Variants in CEP164 observed in about 807,000 individuals in gnomAD.
CEP164 encodes the protein centrosomal protein 164, also known as centrosomal protein of 164 kDa.
CEP164 carries 162 observed loss-of-function variants against 182.7 expected under a neutral mutation model. The ratio of observed to expected loss-of-function variants is 0.89; its 90% CI spans 0.78 to 1.01. The LOEUF (loss-of-function observed/expected upper bound fraction) is 1.01, where lower values mean the gene tolerates loss of function less well. CEP164 is among the 50% of genes least tolerant of loss of function. The pLI, the probability that CEP164 is intolerant of heterozygous loss-of-function variation, is 0.00. For synonymous variants in CEP164, 661 were observed against 690.0 expected (o/e 0.96, Z 0.66); for missense variants, 1,735 against 1,790.4 (o/e 0.97, Z 0.56).
intron 3 of CEP164, among the ~76,000 whole-genome samples, chr11:117,342,673 T>C (rs967169708): frequency 6.6e-6 from 1 of 151,612 alleles, no homozygotes; most frequent in African/African-American, 2.4e-5. Context: ...ACGAGGTTTC[T>C]CCATGTTGCC....
At chr11:117,373,665 C>A in intron 9 of CEP164, 86 bp from the exon 10 acceptor site, 1 of 1,190,284 alleles carries the variant, frequency 8.4e-7, no homozygotes, top group Non-Finnish European at 1.2e-6. Flanking sequence ...ATATTGGCCC[C>A]ATGGCCTGAA....
At chr11:117,355,410 A>G in intron 5 of CEP164, 1 of 1,289,820 alleles carries the variant, frequency 7.8e-7, no homozygotes, top group Non-Finnish European at 1.0e-6. Flanking sequence ...AGCAGGAACC[A>G]GGCCTCTGTC....
intron 8 of CEP164, among the ~76,000 whole-genome samples, chr11:117,364,652 G>A (rs7945704): frequency 0.22 from 32,637 of 150,848 alleles, 3,637 homozygotes; most frequent in Non-Finnish European, 0.24. Flanking sequence ...GACCACAGGC[G>A]CCCGCCACCA....
At chr11:117,370,155 C>T (rs1436322538) in intron 8 of CEP164, among the ~76,000 whole-genome samples, 2 of 151,888 alleles carry the variant, frequency 1.3e-5, no homozygotes, top group Non-Finnish European at 2.9e-5. Context: ...TAGACATCTC[C>T]CTTAAATCTC....
At chr11:117,343,134 G>A (rs528848957) in intron 3 of CEP164, among the ~76,000 whole-genome samples, 1 of 152,194 alleles carries the variant, frequency 6.6e-6, no homozygotes, top group Non-Finnish European at 1.5e-5. Flanking sequence ...GCTTCCCAAA[G>A]TGCTGGGATT....
At position 117,387,398 on chromosome 11, in the gene CEP164, A is replaced by T. The variant is rs560014300; in HGVS notation, c.1920A>T (p.Lys640Asn). ...AGATCCTCCGGCTTCACCAGCAGAA[A>T]GAGCAATCTCTCAGGTCCTGCCCTT... ...EEEILRLHQQ[K>N]EQSLSSLRER... The change falls in exon 15 of 33, where the codon AAA (lysine) becomes AAT (asparagine). Residue 640 changes from lysine (K) to asparagine (N), a missense_variant. Physicochemically the swap from Lys to Asn is moderately conservative, Grantham distance 94. Transcript: ENST00000278935. 6.2e-7 allele frequency: 1 copy of T among 1,614,028 alleles called. No homozygotes were observed. The highest frequency in any genetic ancestry group is 8.5e-7 in the Non-Finnish European group (1 of 1,180,048).
chr11:117,400,846 G>C (rs2046054695), intron 27 of CEP164, among the ~76,000 whole-genome samples: 1 of 152,198 alleles, frequency 6.6e-6, no homozygotes, highest in Non-Finnish European at 1.5e-5. Context: ...TGTATCCTGA[G>C]ACTTTGCTGA....
chr11:117,344,664 C>T (rs140184525), intron 4 of CEP164, among the ~76,000 whole-genome samples: 8 of 152,270 alleles, frequency 5.3e-5, no homozygotes, highest in African/African-American at 1.7e-4. Context: ...CGGTGGCCCA[C>T]GCCTGTAATC....
rs1228263200 is a variant in CEP164, at chr11:117,394,436, T to C, written c.2703T>C (p.Thr901=). Residue 901 remains threonine (T), a synonymous_variant, in exon 21 of 33, where the codon ACT becomes ACC. Transcript: ENST00000278935. This position sits in a 1 kb window ranked among gnomAD's most constrained non-coding sequence, Gnocchi z 4.0. ...GGGCCCATGAACGAGAACTGGAGAC[T>C]GTGAGGCAGGAGCAACACAAGCGTC... The part of the protein sequence containing the change: ...LQRAHERELE[T]VRQEQHKRLE... 1.2e-6 allele frequency: 2 copies of C among 1,613,962 alleles called. No homozygotes were observed. The highest frequency in any genetic ancestry group is 1.7e-6 in the Non-Finnish European group (2 of 1,180,012).
intron 27 of CEP164, among the ~76,000 whole-genome samples, chr11:117,400,247 T>A (rs1055730994): frequency 6.6e-6 from 1 of 152,268 alleles, no homozygotes; most frequent in Non-Finnish European, 1.5e-5. Flanking sequence ...TAGGGAATCC[T>A]TTCCCCATTT....
At chr11:117,396,502 T>TCTTGGG (rs2045485752) in intron 25 of CEP164, 48 bp from the exon 26 acceptor site, 1 of 1,488,268 alleles carries the variant, frequency 6.7e-7, no homozygotes. Flanking sequence ...ACCTGCAGGG[T>TCTTGGG]GTCTGCTTTT....
chr11:117,405,004 C>T (rs1415057202), intron 27 of CEP164, among the ~76,000 whole-genome samples: 7 of 152,184 alleles, frequency 4.6e-5, no homozygotes, highest in African/African-American at 9.7e-5. Flanking sequence ...GATGCCCCGC[C>T]CCCACCAAGC....
At chr11:117,322,314 A>G (rs549026424) in intron 1 of CEP164, among the ~76,000 whole-genome samples, 80 of 151,956 alleles carry the variant, frequency 5.3e-4, no homozygotes, top group Admixed American at 1.4e-3. Flanking sequence ...ATGGGGTTTC[A>G]CCATGTTAGC....
Position 117,392,640 on chromosome 11 carries a change from C to G in CEP164, c.2493+13C>G, listed in dbSNP as rs199632985. 16 of 1,612,518 alleles carry G rather than the reference C, an allele frequency of 9.9e-6. No individual in the cohort carries two copies. Among genetic ancestry groups the G allele is most frequent in the Non-Finnish European group, 3.4e-6 (4 of 1,179,104 alleles). On this transcript the variant is annotated intron_variant, in intron 19 of 32. Coordinates refer to ENST00000278935, the MANE Select transcript of CEP164 (RefSeq NM_014956.5). The stretch of plus-strand genomic sequence containing the variant: ...GTATGAGCACGAGGTGAGTGCTGCT[C>G]TGTCTTCCACAGTCGTGTGCGCCTG...
rs1302692876 is a variant in CEP164 at position 117,394,165 on chromosome 11, G to A, written c.2617-185G>A. ...GCCTCTGCTTCAGCTCTAGAGGGCT[G>A]CAGGCTTGCTGGGGCCAGGGCCGGT... On this transcript the variant is annotated intron_variant, in intron 20 of 32. Coordinates refer to ENST00000278935, the MANE Select transcript of CEP164 (RefSeq NM_014956.5). This position sits in a 1 kb window ranked among gnomAD's most constrained non-coding sequence, Gnocchi z 4.0. Among the ~76,000 whole-genome samples, 1 of 152,270 alleles carries A rather than the reference G, an allele frequency of 6.6e-6. No individual in the cohort carries two copies. The highest frequency in any genetic ancestry group is 1.9e-4 in the East Asian group (1 of 5,202).
chr11:117,331,818 C>T (rs1405952433), intron 1 of CEP164, among the ~76,000 whole-genome samples: 2 of 151,184 alleles, frequency 1.3e-5, no homozygotes, highest in African/African-American at 2.4e-5. Flanking sequence ...ACAATCATAG[C>T]TCACTGCAGC....
chr11:117,342,800 A>G (rs1465642834), intron 3 of CEP164, among the ~76,000 whole-genome samples: 1 of 151,986 alleles, frequency 6.6e-6, no homozygotes. Context: ...GTCAGTACAT[A>G]TATCTCCACT....
upstream of CEP164, among the ~76,000 whole-genome samples, chr11:117,326,374 A>C (rs556768466): frequency 1.6e-4 from 24 of 152,040 alleles, no homozygotes; most frequent in Non-Finnish European, 3.1e-4. Context: ...CTGGGACTAC[A>C]GGCGTGTGCC....
chr11:117,326,208 G>A (rs1254641643), upstream of CEP164, among the ~76,000 whole-genome samples: 1 of 151,668 alleles, frequency 6.6e-6, no homozygotes, highest in Non-Finnish European at 1.5e-5. Context: ...ACTGTGCCTG[G>A]CTCAAGTAGG....
Sources: allele counts gnomAD v4.1 joint callset (sites outside exome capture counted in the v4.1 genomes callset), GRCh38; gene constraint gnomAD v4.1.1; non-coding constraint Gnocchi (gnomAD v3.1); transcripts MANE v1.5; gene names NCBI Gene and HGNC (gene_info 2026-07-23, HGNC 2026-07-21).